The following FSTL3 variants were observed in gnomAD, a reference collection of about 807,000 sequenced individuals.
The protein encoded by FSTL3 is follistatin like 3.
Under a neutral mutation model 28.1 loss-of-function variants are expected in FSTL3, and 21 were observed. That is an observed-to-expected ratio of 0.75 (90% CI 0.53 to 1.08). The LOEUF is 1.08. Ranked by LOEUF, FSTL3 falls within the 50% of genes least tolerant of loss-of-function variation. FSTL3 has a pLI of 0.00. For missense variants in FSTL3, 400 were observed against 380.9 expected, an observed-to-expected ratio of 1.05 and a Z score of -0.42; for synonymous variants, 199 against 164.2, an observed-to-expected ratio of 1.21 and a Z score of -1.62.
intron 2 of FSTL3, among the ~76,000 whole-genome samples, chr19:678,295 A>C (rs1341407791): frequency 6.6e-6 from 1 of 152,174 alleles, no homozygotes; most frequent in Non-Finnish European, 1.5e-5. Context: ...TGGGTTTGCC[A>C]TTCTGGCCTG....
Position 680,487 on chromosome 19 carries a change from G to T in FSTL3, c.503G>T (p.Arg168Leu). 2 of 1,246,558 alleles carry T rather than the reference G, an allele frequency of 1.6e-6. No individual in the cohort carries two copies. Among genetic ancestry groups the T allele is most frequent in the Non-Finnish European group, 2.0e-6 (2 of 994,592 alleles). The allele number at this position is 1,246,558 out of a possible 1,614,324, so 77.2% of individuals were successfully genotyped here. A position where few individuals can be genotyped will look rare whatever the true frequency, so the allele number is the denominator to read the frequency against. ...AGCGTCATGTACCGGGGCCGCTGCC[G>T]CAGTACGTGGGGGCGTGGTCTGTGG... ...DLSVMYRGRC[R>L]KSCEHVVCPR... Residue 168 changes from arginine (R) to leucine (L), a missense_variant and splice_region_variant, in exon 3 of 5, where the codon CGC (arginine) becomes CTC (leucine). By Grantham distance (102) the Arg-to-Leu change is moderately radical. Transcript: ENST00000166139.
At position 681,858 on chromosome 19, in the gene FSTL3, T is replaced by C. The variant is rs2031344100; in HGVS notation, c.*150T>C. 7 of 723,266 alleles carry C rather than the reference T, an allele frequency of 9.7e-6. No homozygotes were observed. Among genetic ancestry groups the C allele is most frequent in the Non-Finnish European group, 1.6e-5 (7 of 425,186 alleles). The allele number at this position is 723,266 out of a possible 1,614,324, so 44.8% of individuals were successfully genotyped here. On this transcript the variant is annotated 3_prime_UTR_variant, in exon 5 of 5. Coordinates refer to ENST00000166139, the MANE Select transcript of FSTL3 (RefSeq NM_005860.3). ...GGATCCCAGAACCTCCCTGACGATATCCTGGAAGGACTGAGGAAGGGAGGC... is the reference window on the plus strand; with the variant it reads ...GGATCCCAGAACCTCCCTGACGATACCCTGGAAGGACTGAGGAAGGGAGGC...
intron 3 of FSTL3, 73 bp downstream of exon 3, chr19:680,562 T>G: frequency 5.4e-6 from 3 of 554,598 alleles, no homozygotes; most frequent in Non-Finnish European, 7.0e-6. Flanking sequence ...TCGAGGCTGC[T>G]GCCGCAGTAG....
intron 1 of FSTL3, among the ~76,000 whole-genome samples, chr19:677,373 T>C (rs1600657706): frequency 6.6e-6 from 1 of 151,680 alleles, no homozygotes; most frequent in East Asian, 2.0e-4. Flanking sequence ...GGCGCGGGGC[T>C]CCGCGTGCCC....
chr19:680,367 T>C lies in FSTL3; in HGVS notation c.383T>C (p.Leu128Pro), dbSNP rs2031301848. Residue 128 changes from leucine (L) to proline (P), a missense_variant, in exon 3 of 5, where the codon CTC (leucine) becomes CCC (proline). Transcript: ENST00000166139. The stretch of plus-strand genomic sequence containing the variant: ...GAGTGCGCGCCCGACTGCTCGGGGC[T>C]CCCGGCGCGGCTGCAGGTCTGCGGC... ...RCECAPDCSG[L>P]PARLQVCGSD... 2 of 1,280,506 alleles carry C rather than the reference T, an allele frequency of 1.6e-6. No homozygotes were observed. The highest frequency in any genetic ancestry group is 3.1e-5 in the African/African-American group (2 of 64,236). The allele number at this position is 1,280,506 out of a possible 1,614,324, so 79.3% of individuals were successfully genotyped here.
At chr19:677,392 G>C (rs1057093160) in intron 1 of FSTL3, among the ~76,000 whole-genome samples, 1 of 152,104 alleles carries the variant, frequency 6.6e-6, no homozygotes, top group Non-Finnish European at 1.5e-5. Flanking sequence ...CCTCGCCCTC[G>C]GGTGCTGTCT....
intron 3 of FSTL3, 58 bp downstream of exon 3, chr19:680,547 A>T: frequency 3.1e-6 from 2 of 641,506 alleles, no homozygotes; most frequent in Non-Finnish European, 3.9e-6. Context: ...CCTGCGCGTC[A>T]TGTATCGAGG....
chr19:676,813 TC>T (rs1181746448), intron 1 of FSTL3, among the ~76,000 whole-genome samples: 1 of 152,106 alleles, frequency 6.6e-6, no homozygotes, highest in Non-Finnish European at 1.5e-5. Context: ...ATCTCCGTCT[TC>T]CAGATGGGGA....
chr19:681,523 C>A lies in FSTL3; in HGVS notation c.696C>A (p.Gly232=), dbSNP rs145117631. 1.2e-6 allele frequency: 2 copies of A among 1,607,260 alleles called. No homozygotes were observed. Among genetic ancestry groups the A allele is most frequent in the African/African-American group, 2.7e-5 (2 of 75,026 alleles). The change falls in exon 4 of 5, where the codon GGC becomes GGA. Residue 232 remains glycine (G), a synonymous_variant. Transcript: ENST00000166139. The stretch of plus-strand genomic sequence containing the variant: ...TGCGCCAGGCCACCTGCTTCCTGGG[C>A]CGCTCCATCGGCGTGCGCCACGCGG... ...CHMRQATCFL[G]RSIGVRHAGS...
Position 681,887 on chromosome 19 carries a change from G to A in FSTL3, c.*179G>A. ...GGAAGGACTGAGGAAGGGAGGCCTGGGGGCCGGCTGGTGGGTGGGATAGAC... is the reference window on the plus strand; with the variant it reads ...GGAAGGACTGAGGAAGGGAGGCCTGAGGGCCGGCTGGTGGGTGGGATAGAC... On this transcript the variant is annotated 3_prime_UTR_variant, in exon 5 of 5. Transcript: ENST00000166139. 1.6e-6 allele frequency: 1 copy of A among 643,898 alleles called. No individual in the cohort carries two copies. The highest frequency in any genetic ancestry group is 2.7e-6 in the Non-Finnish European group (1 of 368,090). 39.9% of individuals were successfully genotyped at this position (643,898 alleles called of 1,614,324 possible). A position where few individuals can be genotyped will look rare whatever the true frequency, so the allele number is the denominator to read the frequency against.
chr19:678,052 C>T, intron 2 of FSTL3, 75 bp downstream of exon 2: 1 of 1,428,026 alleles, frequency 7.0e-7, no homozygotes, highest in Non-Finnish European at 9.7e-7. Flanking sequence ...TGGTCGAGGG[C>T]CGAACGTCCA....
chr19:681,654 C>A lies in FSTL3; in HGVS notation c.738C>A (p.Thr246=), dbSNP rs2031339008. 12 of 1,577,236 alleles carry A rather than the reference C, an allele frequency of 7.6e-6. No homozygotes were observed. Among genetic ancestry groups the A allele is most frequent in the Non-Finnish European group, 1.0e-5 (12 of 1,161,748 alleles). The change falls in exon 5 of 5, where the codon ACC becomes ACA. Residue 246 remains threonine, a synonymous_variant. Transcript: ENST00000166139. The part of the protein sequence containing the change: ...GVRHAGSCAG[T]PEEPPGGESA... ...TGCTCTTATCGACCCTTGCAGGCAC[C>A]CCTGAGGAGCCGCCAGGTGGTGAGT...
intron 1 of FSTL3, 45 bp from the exon 2 acceptor site, chr19:677,747 G>C (rs1264394518): frequency 6.5e-7 from 1 of 1,543,914 alleles, no homozygotes; most frequent in Non-Finnish European, 8.7e-7. Context: ...CAGAAGCTGG[G>C]TGTCAGGAGT....
chr19:680,109 C>T, intron 2 of FSTL3, 165 bp from the exon 3 acceptor site: 1 of 345,398 alleles, frequency 2.9e-6, no homozygotes, highest in East Asian at 4.7e-5. Flanking sequence ...CTGAGCCCTG[C>T]CCCTGGGAAC....
intron 2 of FSTL3, among the ~76,000 whole-genome samples, chr19:679,562 C>T (rs1374463248): frequency 6.6e-6 from 1 of 152,248 alleles, no homozygotes; most frequent in Non-Finnish European, 1.5e-5. Flanking sequence ...TGCGACCCGG[C>T]CTCAGTTTCC....
At chr19:679,743 T>TG (rs1167124532) in intron 2 of FSTL3, among the ~76,000 whole-genome samples, 2 of 152,032 alleles carry the variant, frequency 1.3e-5, no homozygotes, top group African/African-American at 2.4e-5. Context: ...CCTAGGGCTG[T>TG]GGGGGGCCCC....
chr19:682,521 C>A lies in FSTL3; in HGVS notation c.*813C>A, dbSNP rs188330446. 1.2e-4 allele frequency: 29 copies of A among 233,948 alleles called. No homozygotes were observed. Among genetic ancestry groups the A allele is most frequent in the African/African-American group, 6.2e-4 (28 of 45,448 alleles). The allele number at this position is 233,948 out of a possible 1,614,324, so 14.5% of individuals were successfully genotyped here. ...AAGGCCAAGAAGGCTGCCACCATTC[C>A]CTGCCAGCCCAAGAACTCCAGCTTC... On this transcript the variant is annotated 3_prime_UTR_variant, in exon 5 of 5. Coordinates refer to ENST00000166139, the MANE Select transcript of FSTL3 (RefSeq NM_005860.3).
rs2031378666 is a variant in FSTL3 at position 683,234 on chromosome 19, G to A, written c.*1526G>A. 1 of 232,992 alleles carries A rather than the reference G, an allele frequency of 4.3e-6. No homozygotes were observed. Among genetic ancestry groups the A allele is most frequent in the Non-Finnish European group, 8.5e-6 (1 of 117,774 alleles). 14.4% of individuals were successfully genotyped at this position (232,992 alleles called of 1,614,324 possible). On this transcript the variant is annotated 3_prime_UTR_variant, in exon 5 of 5. Coordinates refer to ENST00000166139, the MANE Select transcript of FSTL3 (RefSeq NM_005860.3). ...CTGGGGTGAGGAATGTGGGGAGCTT[G>A]GGCATCCTCCTCCAGCCTCCTCCAG...
At position 676,436 on chromosome 19, in the gene FSTL3, G is replaced by A. The variant is rs1272579878; in HGVS notation, c.13G>A (p.Ala5Thr). Residue 5 changes from alanine to threonine, a missense_variant, in exon 1 of 5, where the codon GCG (alanine) becomes ACG (threonine). Transcript: ENST00000166139. MRPG[A>T]PGPLWPLPWG... The stretch of plus-strand genomic sequence containing the variant: ...CTCTGCGTTCGCCATGCGTCCCGGG[G>A]CGCCAGGGCCACTCTGGCCTCTGCC... 1.7e-6 allele frequency: 2 copies of A among 1,209,412 alleles called. No individual in the cohort carries two copies. The highest frequency in any genetic ancestry group is 1.6e-5 in the African/African-American group (1 of 62,862). The allele number at this position is 1,209,412 out of a possible 1,614,324, so 74.9% of individuals were successfully genotyped here.
Sources: allele counts gnomAD v4.1 joint callset (sites outside exome capture counted in the v4.1 genomes callset), GRCh38; gene constraint gnomAD v4.1.1; transcripts MANE v1.5; gene names NCBI Gene and HGNC (gene_info 2026-07-23, HGNC 2026-07-21).